The following CCSER1 variants were observed in gnomAD, a reference collection of about 807,000 sequenced individuals.
CCSER1 encodes the protein serine-rich coiled-coil domain-containing protein 1.
A neutral mutation model predicts 82.0 loss-of-function variants in CCSER1; 41 were observed. The observed-to-expected ratio is 0.50, with a 90% CI of 0.39 to 0.65. CCSER1 has a LOEUF of 0.65. Among genes scored for constraint, CCSER1 ranks in the 30% least tolerant of loss-of-function variants. The probability of loss-of-function intolerance (pLI) is 0.00; values close to 1 mark genes in which losing one functional copy is unlikely to be tolerated. For missense variants in CCSER1, 1,119 were observed against 1,064.2 expected (o/e 1.05, Z -0.72); for synonymous variants, 414 against 383.9 (o/e 1.08, Z -0.92).
At chr4:91,476,154 T>A (rs918193981) in intron 10 of CCSER1, among the ~76,000 whole-genome samples, 3 of 151,814 alleles carry the variant, frequency 2.0e-5, no homozygotes, top group Non-Finnish European at 4.4e-5. Context: ...GGATACATAT[T>A]CATCAGTGGG....
intron 5 of CCSER1, among the ~76,000 whole-genome samples, chr4:90,616,720 C>T (rs866277950): frequency 3.3e-5 from 4 of 120,244 alleles, no homozygotes; most frequent in African/African-American, 1.6e-4. Flanking sequence ...CACACACACA[C>T]ACACACACAC....
rs111235605 is a variant in CCSER1 at position 91,451,342 on chromosome 4, G to A, written c.2218-147230G>A. On this transcript the variant is annotated intron_variant, in intron 10 of 10. Transcript: ENST00000509176. ...TAGTCCTAGAAGTAAAGGCTGCTAT[G>A]GGCCTAATGAATTTTAAAAGCTCAT... is the stretch of plus-strand genomic sequence containing the variant. 6.8e-4 allele frequency among the ~76,000 whole-genome samples: 103 copies of A among 152,008 alleles called. 1 individual carries two copies. Among genetic ancestry groups the A allele is most frequent in the East Asian group, 5.2e-3 (27 of 5,174 alleles).
At chr4:91,437,006 C>T (rs1432307599) in intron 10 of CCSER1, among the ~76,000 whole-genome samples, 1 of 152,184 alleles carries the variant, frequency 6.6e-6, no homozygotes, top group Non-Finnish European at 1.5e-5. Flanking sequence ...TGAAGGCCTG[C>T]TGAGATCATA....
At chr4:91,220,615 G>A (rs1737652352) in intron 10 of CCSER1, among the ~76,000 whole-genome samples, 1 of 152,120 alleles carries the variant, frequency 6.6e-6, no homozygotes, top group Admixed American at 6.5e-5. Flanking sequence ...ACTGTTCAGT[G>A]AGCAATTTAC....
intron 3 of CCSER1, among the ~76,000 whole-genome samples, chr4:90,336,863 A>G (rs1007383204): frequency 1.2e-4 from 18 of 152,216 alleles, no homozygotes; most frequent in Admixed American, 6.5e-4. Context: ...ATCCTTCTGC[A>G]TTCGTCAGCA....
intron 8 of CCSER1, among the ~76,000 whole-genome samples, chr4:90,893,602 A>G (rs1723253551): frequency 6.6e-6 from 1 of 152,042 alleles, no homozygotes; most frequent in East Asian, 1.9e-4. Flanking sequence ...TTCACTCTTC[A>G]CACAGAAACA....
At chr4:90,468,067 G>A (rs1177208680) in intron 4 of CCSER1, among the ~76,000 whole-genome samples, 167 bp from the exon 5 acceptor site, 2 of 152,158 alleles carry the variant, frequency 1.3e-5, no homozygotes, top group Non-Finnish European at 2.9e-5. Context: ...CATATAGCTA[G>A]TGAGTGAAAA....
chr4:91,550,460 C>CCTAT (rs1051209868), intron 10 of CCSER1, among the ~76,000 whole-genome samples: 2 of 152,166 alleles, frequency 1.3e-5, no homozygotes, highest in Non-Finnish European at 1.5e-5. Context: ...TCTGTATCTG[C>CCTAT]CTATCTGTCT....
chr4:90,452,647 C>T (rs999698259), intron 4 of CCSER1, among the ~76,000 whole-genome samples: 26 of 152,282 alleles, frequency 1.7e-4, no homozygotes, highest in Admixed American at 1.5e-3. Flanking sequence ...TTGAACATCT[C>T]CTCATTGGGA....
At chr4:90,523,995 G>A (rs1773445713) in intron 5 of CCSER1, among the ~76,000 whole-genome samples, 1 of 151,898 alleles carries the variant, frequency 6.6e-6, no homozygotes, top group African/African-American at 2.4e-5. Flanking sequence ...TTCCATATAT[G>A]ACTAACAATT....
At chr4:90,276,307 CTTTCTTTCTTT>C (rs1277982828) in intron 1 of CCSER1, among the ~76,000 whole-genome samples, 1 of 109,132 alleles carries the variant, frequency 9.2e-6, no homozygotes, top group African/African-American at 3.8e-5. Flanking sequence ...TCCTTCCTTC[CTTTCTTTCTTT>C]TTCTTTCTTT....
chr4:91,002,563 A>C (rs1738128660), intron 9 of CCSER1, among the ~76,000 whole-genome samples: 2 of 152,036 alleles, frequency 1.3e-5, no homozygotes, highest in Non-Finnish European at 2.9e-5. Flanking sequence ...AGCATTTTGC[A>C]TTTCTATAAG....
Position 90,483,502 on chromosome 4 carries a change from G to A in CCSER1, c.1724+15148G>A, listed in dbSNP as rs942487970. Among the ~76,000 whole-genome samples, 27 of 152,244 alleles carry A rather than the reference G, an allele frequency of 1.8e-4. 1 individual carries two copies. In the South Asian group the frequency reaches 2.3e-3, roughly 13 times the overall value. ...TTACAATTTAGCATGTTTTTGCAGT[G>A]GCTGGTACCGGTTGTTCCTTTCCAT... is the stretch of plus-strand genomic sequence containing the variant. On this transcript the variant is annotated intron_variant, in intron 5 of 10. Coordinates refer to ENST00000509176, the MANE Select transcript of CCSER1 (RefSeq NM_001145065.2).
At chr4:90,220,857 T>G in intron 1 of CCSER1, among the ~76,000 whole-genome samples, 1 of 152,220 alleles carries the variant, frequency 6.6e-6, no homozygotes, top group East Asian at 1.9e-4. Flanking sequence ...AATACATATT[T>G]TAATAACCTC....
chr4:90,561,049 A>G (rs1579165585), intron 5 of CCSER1, among the ~76,000 whole-genome samples: 1 of 152,290 alleles, frequency 6.6e-6, no homozygotes, highest in East Asian at 1.9e-4. Flanking sequence ...CTAATTTACT[A>G]CCTTATCACA....
chr4:91,235,975 C>T (rs930184734), intron 10 of CCSER1, among the ~76,000 whole-genome samples: 6 of 152,184 alleles, frequency 3.9e-5, no homozygotes, highest in Non-Finnish European at 8.8e-5. Flanking sequence ...GAGTTAGACA[C>T]ATTTTGATTG....
chr4:90,896,603 C>T (rs1461423480), intron 8 of CCSER1, among the ~76,000 whole-genome samples: 2 of 151,778 alleles, frequency 1.3e-5, no homozygotes, highest in Non-Finnish European at 2.9e-5. Flanking sequence ...GCTAGTAAGC[C>T]AGTATGAACC....
At chr4:90,139,376 A>G (rs1391821434) in intron 1 of CCSER1, among the ~76,000 whole-genome samples, 1 of 152,166 alleles carries the variant, frequency 6.6e-6, no homozygotes, top group Admixed American at 6.5e-5. Flanking sequence ...CCAAGTGCAT[A>G]AGCCATAGAA....
intron 10 of CCSER1, among the ~76,000 whole-genome samples, chr4:91,105,484 T>C (rs1725521093): frequency 6.6e-6 from 1 of 151,756 alleles, no homozygotes; most frequent in African/African-American, 2.4e-5. Context: ...GGTGGGCGGA[T>C]CACAAGGTCA....
Sources: allele counts gnomAD v4.1 joint callset (sites outside exome capture counted in the v4.1 genomes callset), GRCh38; gene constraint gnomAD v4.1.1; transcripts MANE v1.5; gene names NCBI Gene and HGNC (gene_info 2026-07-23, HGNC 2026-07-21).